Variants in SCHIP1 observed in about 807,000 individuals in gnomAD.
The protein encoded by SCHIP1 is schwannomin interacting protein 1.
A neutral mutation model predicts 29.7 loss-of-function variants in SCHIP1; 8 were observed. The observed-to-expected ratio is 0.27, with a 90% confidence interval of 0.16 to 0.49. SCHIP1 has a LOEUF of 0.49. Ranked by LOEUF, SCHIP1 falls within the 20% of genes least tolerant of loss-of-function variation. The probability of loss-of-function intolerance (pLI) is 0.99; values close to 1 mark genes in which losing one functional copy is unlikely to be tolerated. For synonymous variants in SCHIP1, 76 were observed against 94.9 expected (o/e 0.80, Z 1.16); for missense variants, 193 against 294.6 (o/e 0.66, Z 2.52).
At chr3:159,850,568 G>GAAAAAAAAAAAAAAAAAAAAAAAAAA (rs1712476245) in intron 1 of SCHIP1, among the ~76,000 whole-genome samples, 1 of 135,840 alleles carries the variant, frequency 7.4e-6, no homozygotes, top group African/African-American at 2.6e-5. Context: ...AAAAAAAAAG[G>GAAAAAAAAAAAAAAAAAAAAAAAAAA]AAATACGTGA....
the SCHIP1 span, among the ~76,000 whole-genome samples, chr3:159,278,071 G>T: frequency 7.2e-5 from 11 of 152,222 alleles, no homozygotes; most frequent in Admixed American, 2.0e-4. Flanking sequence ...GTAGCAGAAG[G>T]GCTATGTGAT....
chr3:159,712,533 A>G, the SCHIP1 span, among the ~76,000 whole-genome samples: 1 of 151,492 alleles, frequency 6.6e-6, no homozygotes, highest in Admixed American at 6.6e-5. Context: ...CCTGAACAAC[A>G]TAGAGAGACC....
chr3:159,878,799 AAAAAAATAAAAAAAT>A lies in SCHIP1; in HGVS notation c.150-7394_150-7380del, dbSNP rs1364938916. Among the ~76,000 whole-genome samples, 341 of 148,952 alleles carry A rather than the reference AAAAAAATAAAAAAAT, an allele frequency of 2.3e-3. 2 individuals carry two copies. Among genetic ancestry groups the A allele is most frequent in the Non-Finnish European group, 4.0e-3 (268 of 67,330 alleles). ...TCTCAAAAAAAAAATAAAATAAAATAAAAAAATAAAAAAATAAAAAATAAAAAATAAATAAAAATA... is the reference window on the plus strand; with the variant it reads ...TCTCAAAAAAAAAATAAAATAAAATAAAAAAATAAAAAATAAATAAAAATA... On this transcript the variant is annotated intron_variant, in intron 2 of 6. Transcript: ENST00000445224.
At chr3:159,761,475 A>C in the SCHIP1 span, among the ~76,000 whole-genome samples, 4 of 152,230 alleles carry the variant, frequency 2.6e-5, no homozygotes, top group African/African-American at 9.6e-5. Context: ...GTAAACAGGA[A>C]GACAGAATCT....
the SCHIP1 span, among the ~76,000 whole-genome samples, chr3:159,471,986 CA>C: frequency 6.6e-6 from 1 of 152,168 alleles, no homozygotes; most frequent in South Asian, 2.1e-4. Flanking sequence ...CTTCTCTGGT[CA>C]TTTTTTTACC....
At chr3:159,512,851 C>T in the SCHIP1 span, among the ~76,000 whole-genome samples, 3 of 152,184 alleles carry the variant, frequency 2.0e-5, no homozygotes, top group Admixed American at 2.0e-4. Flanking sequence ...CACTGCCTCC[C>T]ACTACACTTC....
At chr3:159,853,727 T>C (rs1264219051) in intron 1 of SCHIP1, among the ~76,000 whole-genome samples, 1 of 152,262 alleles carries the variant, frequency 6.6e-6, no homozygotes, top group Non-Finnish European at 1.5e-5. Flanking sequence ...ATTTAACTGC[T>C]AGGCAGGCTT....
At chr3:159,572,936 T>G in the SCHIP1 span, among the ~76,000 whole-genome samples, 2 of 84,840 alleles carry the variant, frequency 2.4e-5, no homozygotes. Flanking sequence ...AACCTCTGGT[T>G]TTTTTTTTTT....
chr3:159,853,388 G>A, intron 1 of SCHIP1: 1 of 696,174 alleles, frequency 1.4e-6, no homozygotes, highest in East Asian at 2.7e-5. Flanking sequence ...GGATGAATTT[G>A]GACAGTGATG....
At chr3:159,854,228 T>C (rs950954362) in intron 1 of SCHIP1, among the ~76,000 whole-genome samples, 3 of 152,232 alleles carry the variant, frequency 2.0e-5, no homozygotes, top group African/African-American at 4.8e-5. Context: ...CAGTTAATGA[T>C]AGAACAGTAA....
the SCHIP1 span, among the ~76,000 whole-genome samples, chr3:159,481,453 T>G: frequency 6.6e-6 from 1 of 152,226 alleles, no homozygotes; most frequent in African/African-American, 2.4e-5. Context: ...CCAGTTGAAT[T>G]GAAATTTCAG....
At chr3:159,297,009 G>A in the SCHIP1 span, among the ~76,000 whole-genome samples, 1 of 152,008 alleles carries the variant, frequency 6.6e-6, no homozygotes, top group Admixed American at 6.6e-5. Flanking sequence ...GTATAAATGA[G>A]ATCATGCCTT....
the SCHIP1 span, among the ~76,000 whole-genome samples, chr3:159,691,505 G>A: frequency 1.3e-3 from 187 of 149,030 alleles, no homozygotes; most frequent in African/African-American, 4.6e-3. Flanking sequence ...TTGCACCTGA[G>A]ATGGGTCTCC....
the SCHIP1 span, among the ~76,000 whole-genome samples, chr3:159,473,674 G>GAAAAAAAAAA: frequency 4.6e-3 from 373 of 80,978 alleles, no homozygotes; most frequent in Middle Eastern, 8.3e-3. Flanking sequence ...ATGTAACTAC[G>GAAAAAAAAAA]AAAAAAAAAA....
chr3:159,514,989 C>T, the SCHIP1 span, among the ~76,000 whole-genome samples: 4 of 152,120 alleles, frequency 2.6e-5, no homozygotes, highest in South Asian at 4.1e-4. Context: ...ATCACAGCCA[C>T]GTATCCTTAT....
At chr3:159,804,786 T>A in the SCHIP1 span, among the ~76,000 whole-genome samples, 215 of 152,348 alleles carry the variant, frequency 1.4e-3, no homozygotes, top group Non-Finnish European at 2.8e-3. Context: ...ATTGGCCCAA[T>A]GGGGCATCAC....
the SCHIP1 span, among the ~76,000 whole-genome samples, chr3:159,354,810 C>A: frequency 6.6e-6 from 1 of 152,044 alleles, no homozygotes. Flanking sequence ...TGTTTCACAT[C>A]GAGGACTAGA....
the SCHIP1 span, among the ~76,000 whole-genome samples, chr3:159,363,495 A>G: frequency 6.6e-6 from 1 of 152,172 alleles, no homozygotes; most frequent in Non-Finnish European, 1.5e-5. Context: ...ATCATAAAAT[A>G]TTGAATAAAT....
chr3:159,416,596 T>C, the SCHIP1 span, among the ~76,000 whole-genome samples: 1,107 of 152,350 alleles, frequency 7.3e-3, 17 homozygotes, highest in African/African-American at 0.025. Flanking sequence ...TTTTTGCTCA[T>C]TTAATTGGAT....
Sources: gnomAD v4.1 joint callset for allele counts (sites outside exome capture counted in the v4.1 genomes callset) on GRCh38, gnomAD v4.1.1 for gene constraint, MANE v1.5 for transcripts, NCBI Gene and HGNC (gene_info 2026-07-23, HGNC 2026-07-21) for gene names.